LRRC4C: variants seen among roughly 807,000 people sequenced by gnomAD.
LRRC4C encodes the protein leucine rich repeat containing 4C, also known as leucine-rich repeat-containing protein 4C.
In LRRC4C, 5 loss-of-function variants were observed where a neutral mutation model predicts 33.6. The ratio of observed to expected loss-of-function variants is 0.15; its 90% CI spans 0.08 to 0.31. The LOEUF (loss-of-function observed/expected upper bound fraction) is 0.31. LRRC4C is among the 10% of genes least tolerant of loss of function. LRRC4C has a pLI of 1.00. For synonymous variants in LRRC4C, 329 were observed against 302.0 expected, an observed-to-expected ratio of 1.09 and a Z score of -0.93; for missense variants, 560 against 796.7, an observed-to-expected ratio of 0.70 and a Z score of 3.58.
At chr11:41,037,357 T>G (rs1857143938) in intron 1 of LRRC4C, among the ~76,000 whole-genome samples, 1 of 152,022 alleles carries the variant, frequency 6.6e-6, no homozygotes, top group Non-Finnish European at 1.5e-5. Context: ...GTTTTGTTTT[T>G]CAGACCAAGT....
intron 4 of LRRC4C, among the ~76,000 whole-genome samples, chr11:40,247,454 T>A (rs1866434080): frequency 6.6e-6 from 1 of 152,304 alleles, no homozygotes; most frequent in African/African-American, 2.4e-5. Context: ...GTTGAGAACT[T>A]ATTCAAGCCA....
chr11:41,078,569 A>G (rs1939327112), intron 1 of LRRC4C, among the ~76,000 whole-genome samples: 1 of 152,154 alleles, frequency 6.6e-6, no homozygotes, highest in African/African-American at 2.4e-5. Flanking sequence ...GAGAGCGAGC[A>G]AAGGGGTAGG....
At chr11:40,948,738 G>A (rs1484955450) in intron 1 of LRRC4C, among the ~76,000 whole-genome samples, 1 of 148,230 alleles carries the variant, frequency 6.7e-6, no homozygotes, top group Non-Finnish European at 1.5e-5. Context: ...TGGTGTATAT[G>A]TGCCACATTT....
At chr11:40,906,537 A>G (rs1956425047) in intron 2 of LRRC4C, among the ~76,000 whole-genome samples, 1 of 152,144 alleles carries the variant, frequency 6.6e-6, no homozygotes, top group Admixed American at 6.6e-5. Context: ...CAAACAAACA[A>G]ACAAACAAAC....
chr11:41,006,724 G>A (rs1424777765), intron 1 of LRRC4C, among the ~76,000 whole-genome samples: 1 of 152,132 alleles, frequency 6.6e-6, no homozygotes, highest in Non-Finnish European at 1.5e-5. Flanking sequence ...CCAAAAGAGA[G>A]AGACTAGAGA....
chr11:40,867,716 G>A (rs754170639), intron 2 of LRRC4C, among the ~76,000 whole-genome samples: 57 of 152,120 alleles, frequency 3.7e-4, no homozygotes, highest in Non-Finnish European at 6.6e-4. Flanking sequence ...ATGCTAAGAC[G>A]GAAATGACAA....
intron 2 of LRRC4C, among the ~76,000 whole-genome samples, chr11:40,874,673 CTG>C (rs1428650999): frequency 6.6e-6 from 1 of 152,190 alleles, no homozygotes; most frequent in Non-Finnish European, 1.5e-5. Context: ...TCTGACCTAA[CTG>C]TATATTAGAC....
At chr11:40,576,236 C>T (rs1958186850) in intron 3 of LRRC4C, among the ~76,000 whole-genome samples, 1 of 152,172 alleles carries the variant, frequency 6.6e-6, no homozygotes, top group African/African-American at 2.4e-5. Flanking sequence ...AACCAGCAAG[C>T]CCCAGGGACA....
At chr11:40,529,643 T>C (rs948173203) in intron 3 of LRRC4C, among the ~76,000 whole-genome samples, 9 of 152,204 alleles carry the variant, frequency 5.9e-5, no homozygotes, top group Non-Finnish European at 1.3e-4. Flanking sequence ...TGAAATAAAG[T>C]TGAGTTTTCT....
chr11:40,455,107 A>G (rs2138124479), intron 3 of LRRC4C, among the ~76,000 whole-genome samples: 1 of 152,314 alleles, frequency 6.6e-6, no homozygotes, highest in South Asian at 2.1e-4. Flanking sequence ...ACACTTGAAA[A>G]GAGTAAGTGA....
At chr11:40,267,391 A>T (rs1942353882) in intron 4 of LRRC4C, among the ~76,000 whole-genome samples, 1 of 152,130 alleles carries the variant, frequency 6.6e-6, no homozygotes, top group African/African-American at 2.4e-5. Flanking sequence ...TTGCTCTGTC[A>T]CCCAGGCTGG....
chr11:41,118,995 C>T (rs1201896061), intron 1 of LRRC4C, among the ~76,000 whole-genome samples: 3 of 151,696 alleles, frequency 2.0e-5, no homozygotes, highest in Non-Finnish European at 4.4e-5. Flanking sequence ...AAAGACATTG[C>T]AAATTTTTGT....
intron 2 of LRRC4C, among the ~76,000 whole-genome samples, chr11:40,770,530 A>G (rs1025929611): frequency 6.6e-6 from 1 of 152,242 alleles, no homozygotes; most frequent in Admixed American, 6.5e-5. Flanking sequence ...TCAAAACACA[A>G]TTATACCTTC....
At chr11:40,398,445 T>C (rs1220188226) in intron 3 of LRRC4C, among the ~76,000 whole-genome samples, 1 of 152,098 alleles carries the variant, frequency 6.6e-6, no homozygotes, top group Non-Finnish European at 1.5e-5. Context: ...TGTGGTTACA[T>C]ACTAAGATCC....
chr11:40,355,534 G>A (rs1033327288), intron 3 of LRRC4C, among the ~76,000 whole-genome samples: 1 of 152,162 alleles, frequency 6.6e-6, no homozygotes, highest in African/African-American at 2.4e-5. Flanking sequence ...GGGTAGCACT[G>A]ATATAAACGC....
At chr11:41,048,260 CTTTTT>C (rs35599405) in intron 1 of LRRC4C, among the ~76,000 whole-genome samples, 4 of 107,102 alleles carry the variant, frequency 3.7e-5, no homozygotes, top group African/African-American at 1.1e-4. Context: ...AGATTCTTTA[CTTTTT>C]TTTTTTTTTT....
chr11:40,508,058 A>G (rs1165560267), intron 3 of LRRC4C, among the ~76,000 whole-genome samples: 1 of 152,156 alleles, frequency 6.6e-6, no homozygotes, highest in Non-Finnish European at 1.5e-5. Flanking sequence ...CACCCAGCCC[A>G]AATTTAAATG....
intron 2 of LRRC4C, among the ~76,000 whole-genome samples, chr11:40,661,246 A>G (rs562967101): frequency 6.6e-6 from 1 of 151,856 alleles, no homozygotes; most frequent in South Asian, 2.1e-4. Flanking sequence ...TCCTAACATT[A>G]GTAAATAGAA....
rs575523901 is a variant in LRRC4C, at chr11:40,270,839, G to A, written c.-175-29241C>T. On this transcript the variant is annotated intron_variant, in intron 4 of 6. Coordinates refer to ENST00000528697, the MANE Select transcript of LRRC4C (RefSeq NM_001258419.2). Reference sequence around the variant, plus strand: ...TAATTCGATCATTGACTGTTTTTAGGCAGAATGACATTGAGAGTTATCATA... The same window carrying A: ...TAATTCGATCATTGACTGTTTTTAGACAGAATGACATTGAGAGTTATCATA... Among the ~76,000 whole-genome samples, 9 of 152,218 alleles carry A rather than the reference G, an allele frequency of 5.9e-5. No homozygotes were observed. In the East Asian group the frequency reaches 1.5e-3, roughly 26 times the overall value.
Sources: allele counts gnomAD v4.1 joint callset (sites outside exome capture counted in the v4.1 genomes callset), GRCh38; gene constraint gnomAD v4.1.1; transcripts MANE v1.5; gene names NCBI Gene and HGNC (gene_info 2026-07-23, HGNC 2026-07-21).